Variants in CELF4 observed in about 807,000 individuals in gnomAD.
CELF4 encodes CUG-BP- and ETR-3-like factor 4.
In CELF4, 18 loss-of-function variants were observed where a neutral mutation model predicts 59.9. The ratio of observed to expected loss-of-function variants is 0.30; its 90% CI spans 0.21 to 0.45. The LOEUF (loss-of-function observed/expected upper bound fraction) is 0.45. CELF4 is among the 20% of genes least tolerant of loss of function. The pLI is 1.00. For synonymous variants in CELF4, 261 were observed against 267.1 expected (o/e 0.98, Z 0.22); for missense variants, 456 against 689.0 (o/e 0.66, Z 3.79).
intron 11 of CELF4, among the ~76,000 whole-genome samples, chr18:37,257,331 G>C (rs1232408019): frequency 6.6e-6 from 1 of 152,214 alleles, no homozygotes; most frequent in Non-Finnish European, 1.5e-5. Flanking sequence ...TTAAAGAGCA[G>C]ATGCAACTGA....
At chr18:37,329,419 G>A (rs986073750) in intron 2 of CELF4, among the ~76,000 whole-genome samples, 6 of 152,210 alleles carry the variant, frequency 3.9e-5, no homozygotes, top group Admixed American at 1.3e-4. Flanking sequence ...TCTTCCCATG[G>A]GCTCTCAGTC....
At chr18:37,421,581 C>A (rs2099578531) in intron 2 of CELF4, among the ~76,000 whole-genome samples, 1 of 152,242 alleles carries the variant, frequency 6.6e-6, no homozygotes, top group African/African-American at 2.4e-5. Context: ...CCCAGCCAGA[C>A]AGTGACCTGC....
At chr18:37,508,839 G>GT (rs1156912913) in intron 1 of CELF4, among the ~76,000 whole-genome samples, 1 of 152,234 alleles carries the variant, frequency 6.6e-6, no homozygotes, top group African/African-American at 2.4e-5. Flanking sequence ...CAGTTTAACT[G>GT]TGCACGTGCT....
intron 2 of CELF4, among the ~76,000 whole-genome samples, chr18:37,479,392 G>A (rs2099859793): frequency 6.6e-6 from 1 of 152,180 alleles, no homozygotes; most frequent in South Asian, 2.1e-4. Flanking sequence ...TTGACACTTG[G>A]GGCCAGATGA....
chr18:37,286,930 G>T (rs1212512886), intron 3 of CELF4, among the ~76,000 whole-genome samples: 4 of 152,172 alleles, frequency 2.6e-5, no homozygotes, highest in African/African-American at 9.7e-5. Context: ...CCAGGAGGGA[G>T]CCCAGAAGAA....
At chr18:37,301,925 C>T (rs1254933295) in intron 3 of CELF4, among the ~76,000 whole-genome samples, 1 of 152,194 alleles carries the variant, frequency 6.6e-6, no homozygotes, top group Admixed American at 6.5e-5. Flanking sequence ...CTTTCCCCTT[C>T]CCCCTGCTCT....
rs563551211 is a variant in CELF4, at chr18:37,383,745, G to A, written c.370-61864C>T. Among the ~76,000 whole-genome samples the A allele has an allele frequency of 2.2e-4, 33 of 152,302 alleles. 1 individual carries two copies. In the South Asian group the frequency reaches 6.4e-3, roughly 30 times the overall value. ...CCTATTTTACAGAAGAGGAAATAGAGACCCAAAGGGGTGCTGTGTCTTGTA... is the reference window on the plus strand; with the variant it reads ...CCTATTTTACAGAAGAGGAAATAGAAACCCAAAGGGGTGCTGTGTCTTGTA... On this transcript the variant is annotated intron_variant, in intron 2 of 12. Coordinates refer to ENST00000420428, the MANE Select transcript of CELF4 (RefSeq NM_020180.4).
chr18:37,429,582 C>T (rs2099635376), intron 2 of CELF4, among the ~76,000 whole-genome samples: 1 of 152,170 alleles, frequency 6.6e-6, no homozygotes, highest in South Asian at 2.1e-4. Context: ...CTTGGAGTTT[C>T]CAAGTGGGTA....
At chr18:37,429,108 G>A (rs2099632441) in intron 2 of CELF4, among the ~76,000 whole-genome samples, 1 of 152,178 alleles carries the variant, frequency 6.6e-6, no homozygotes, top group African/African-American at 2.4e-5. Flanking sequence ...AAGGAATATC[G>A]GAACACTGGG....
intron 2 of CELF4, among the ~76,000 whole-genome samples, chr18:37,429,778 TC>T (rs1367908686): frequency 6.6e-6 from 1 of 152,194 alleles, no homozygotes; most frequent in Non-Finnish European, 1.5e-5. Context: ...GCAGGGGCTC[TC>T]CTCTACAGCC....
rs1308452441 is a variant in CELF4 at position 37,504,452 on chromosome 18, T to C, written c.287-18845A>G. ...ATGGGTGACAGAGTGAGACTCCATC[T>C]CAAAAAAAAAAAAAAAAAAAAGGAT... On this transcript the variant is annotated intron_variant, in intron 1 of 12. Transcript: ENST00000420428. 1.5e-4 allele frequency among the ~76,000 whole-genome samples: 15 copies of C among 98,452 alleles called. No homozygotes were observed. The Admixed American group carries it at 1.8e-3, about 12-fold the overall frequency. 64.6% of individuals were successfully genotyped at this position (98,452 alleles called of 152,430 possible).
intron 1 of CELF4, among the ~76,000 whole-genome samples, chr18:37,533,001 C>A (rs1357201301): frequency 6.6e-6 from 1 of 152,216 alleles, no homozygotes; most frequent in East Asian, 1.9e-4. Flanking sequence ...CTCATGGAAG[C>A]TAAATTTCCC....
At chr18:37,295,491 G>A (rs966535838) in intron 3 of CELF4, among the ~76,000 whole-genome samples, 2 of 152,222 alleles carry the variant, frequency 1.3e-5, no homozygotes, top group Admixed American at 1.3e-4. Flanking sequence ...ACTGGCCCAG[G>A]TCAGAGACCA....
At chr18:37,333,722 C>CTCCATCCA (rs35996325) in intron 2 of CELF4, among the ~76,000 whole-genome samples, 1 of 146,728 alleles carries the variant, frequency 6.8e-6, no homozygotes, top group African/African-American at 2.5e-5. Flanking sequence ...GGGCCACAAA[C>CTCCATCCA]TCCATCCATC....
At chr18:37,558,673 A>C (rs941531133) in intron 1 of CELF4, among the ~76,000 whole-genome samples, 2 of 151,808 alleles carry the variant, frequency 1.3e-5, no homozygotes, top group African/African-American at 4.8e-5. Context: ...AGAAGAGGTG[A>C]AAGGAGTGGA....
intron 3 of CELF4, among the ~76,000 whole-genome samples, chr18:37,297,102 G>A (rs1040346452): frequency 8.5e-5 from 13 of 152,184 alleles, no homozygotes; most frequent in African/African-American, 3.1e-4. Flanking sequence ...ATCAGGGGGT[G>A]CAGTGAACTG....
chr18:37,281,409 G>A (rs888042195), intron 3 of CELF4, among the ~76,000 whole-genome samples: 12 of 152,244 alleles, frequency 7.9e-5, no homozygotes, highest in African/African-American at 2.4e-4. Flanking sequence ...CACTGTGGGC[G>A]AGTGTTCAGA....
chr18:37,492,662 C>T (rs1479037915), intron 1 of CELF4, among the ~76,000 whole-genome samples: 1 of 151,594 alleles, frequency 6.6e-6, no homozygotes, highest in East Asian at 2.0e-4. Flanking sequence ...AAATGTCCTC[C>T]CACTTCGAGT....
intron 1 of CELF4, among the ~76,000 whole-genome samples, chr18:37,554,085 A>C (rs2099984054): frequency 6.6e-6 from 1 of 152,162 alleles, no homozygotes; most frequent in Non-Finnish European, 1.5e-5. Flanking sequence ...GGGAGAGGGC[A>C]CTTTGGGCGG....
Sources: allele counts gnomAD v4.1 joint callset (sites outside exome capture counted in the v4.1 genomes callset), GRCh38; gene constraint gnomAD v4.1.1; transcripts MANE v1.5; gene names NCBI Gene and HGNC (gene_info 2026-07-23, HGNC 2026-07-21).